PTPRB: variants seen among roughly 807,000 people sequenced by gnomAD.
The protein encoded by PTPRB is protein tyrosine phosphatase receptor type B.
In PTPRB, 97 loss-of-function variants were observed where a neutral mutation model predicts 238.1. The observed-to-expected ratio is 0.41, with a 90% CI of 0.35 to 0.48. The LOEUF is 0.48. PTPRB is among the 20% of genes least tolerant of loss of function. The pLI, the probability that PTPRB is intolerant of heterozygous loss-of-function variation, is 0.30. For missense variants in PTPRB, 2,292 were observed against 2,681.9 expected, an observed-to-expected ratio of 0.85 and a Z score of 3.21; for synonymous variants, 970 against 995.4, an observed-to-expected ratio of 0.97 and a Z score of 0.48.
chr12:70,570,067 A>G (rs1487501267), intron 13 of PTPRB, 129 bp from the exon 14 acceptor site: 8 of 882,572 alleles, frequency 9.1e-6, no homozygotes, highest in Admixed American at 2.7e-5. Flanking sequence ...GAAAGTAACA[A>G]TTTGCCACTT....
chr12:70,535,880 C>A, intron 29 of PTPRB, 145 bp downstream of exon 29: 1 of 969,302 alleles, frequency 1.0e-6, no homozygotes, highest in Non-Finnish European at 1.5e-6. Flanking sequence ...CTATTAGAGT[C>A]TTTTGAACAG....
Position 70,538,939 on chromosome 12 carries a change from T to A in PTPRB, c.5854A>T (p.Asn1952Tyr), listed in dbSNP as rs775554545. 6.2e-7 allele frequency: 1 copy of A among 1,613,144 alleles called. No homozygotes were observed. The highest frequency in any genetic ancestry group is 8.5e-7 in the Non-Finnish European group (1 of 1,179,442). The change falls in exon 27 of 34, where the codon AAC becomes TAC. Residue 1952 changes from asparagine (N) to tyrosine (Y), a missense_variant. Asn to Tyr is a moderately radical substitution (Grantham distance 143, BLOSUM62 -2). Around this residue, in one of 4 missense-constraint regions of PTPRB, gnomAD observed 397 missense variants for 502.0 expected, o/e 0.79. Transcript: ENST00000334414. ...LPENRGKNRY[N>Y]NILPYDATRV... ...CAAAACTTACAGGGCAATATATTGT[T>A]GTATCGATTTTTCCCTCTATTCTCC...
At chr12:70,574,891 C>G (rs1033428306) in intron 11 of PTPRB, among the ~76,000 whole-genome samples, 1 of 152,062 alleles carries the variant, frequency 6.6e-6, no homozygotes, top group African/African-American at 2.4e-5. Flanking sequence ...AAAGACTTGG[C>G]AATATTAAAG....
chr12:70,582,517 T>C (rs1028538514), intron 9 of PTPRB, among the ~76,000 whole-genome samples: 26 of 152,224 alleles, frequency 1.7e-4, no homozygotes, highest in African/African-American at 6.3e-4. Flanking sequence ...GATAGAAGAA[T>C]ATGCTATCAA....
rs1009620093 is a variant in PTPRB at position 70,560,088 on chromosome 12, C to T, written c.4433-464G>A. On this transcript the variant is annotated intron_variant, in intron 17 of 33. Coordinates refer to ENST00000334414, the MANE Select transcript of PTPRB (RefSeq NM_001109754.4). The surrounding 1 kb of genome is among the most constrained non-coding windows in gnomAD (Gnocchi z 4.2). ...CAGACCTCAAGTGATCCACCCACCT[C>T]GGCCTCCCAAAGTACTGGGATTATA... Among the ~76,000 whole-genome samples the T allele has an allele frequency of 1.3e-4, 20 of 152,212 alleles. No individual in the cohort carries two copies. The highest frequency in any genetic ancestry group is 2.6e-4 in the African/African-American group (11 of 41,542).
intron 11 of PTPRB, among the ~76,000 whole-genome samples, chr12:70,574,629 A>T (rs186324812): frequency 2.2e-4 from 33 of 152,380 alleles, no homozygotes; most frequent in African/African-American, 7.7e-4. Context: ...GATGTGATAC[A>T]GAATTAGAAA....
At chr12:70,536,426 A>C (rs986961952) in intron 28 of PTPRB, among the ~76,000 whole-genome samples, 1 of 152,144 alleles carries the variant, frequency 6.6e-6, no homozygotes, top group Non-Finnish European at 1.5e-5. Flanking sequence ...AAAACACTTC[A>C]CCCTCAATTA....
At chr12:70,536,799 C>T (rs1874196121) in intron 28 of PTPRB, among the ~76,000 whole-genome samples, 1 of 152,222 alleles carries the variant, frequency 6.6e-6, no homozygotes, top group South Asian at 2.1e-4. Flanking sequence ...CCACCCCCGC[C>T]CACCCAAACA....
intron 21 of PTPRB, among the ~76,000 whole-genome samples, chr12:70,547,918 C>A (rs1224057641): frequency 1.3e-5 from 2 of 152,126 alleles, no homozygotes; most frequent in Non-Finnish European, 2.9e-5. Context: ...AGGAGAGAGT[C>A]CATGTCTTCT....
chr12:70,583,067 T>C (rs573456643), intron 9 of PTPRB, among the ~76,000 whole-genome samples: 1 of 152,154 alleles, frequency 6.6e-6, no homozygotes, highest in Non-Finnish European at 1.5e-5. Flanking sequence ...ATGTACTACA[T>C]GCTGAGAACA....
At position 70,537,199 on chromosome 12, in the gene PTPRB, A is replaced by T. The variant is rs640987; in HGVS notation, c.5946+956T>A. Among the ~76,000 whole-genome samples, 1,036 of 148,616 alleles carry T rather than the reference A, an allele frequency of 7.0e-3. 12 individuals are homozygous for T. Among genetic ancestry groups the T allele is most frequent in the African/African-American group, 0.024 (973 of 40,492 alleles). On this transcript the variant is annotated intron_variant, in intron 28 of 33. Transcript: ENST00000334414. ...CTACTCGGGCGGCTGAGGCAGGAGAATGGCGTGAACCCGGGAGGCGGAGCT... is the reference window on the plus strand; with the variant it reads ...CTACTCGGGCGGCTGAGGCAGGAGATTGGCGTGAACCCGGGAGGCGGAGCT...
In PTPRB at chr12:70,610,592, C is replaced by A. The variant is rs76167062; in HGVS notation, c.709-1253G>T. Among the ~76,000 whole-genome samples the A allele has an allele frequency of 7.1e-3, 1,073 of 152,120 alleles. 10 individuals are homozygous for A. The highest frequency in any genetic ancestry group is 0.024 in the African/African-American group (1,010 of 41,480). ...CTCACTTCAAAGCATTCATTTGTCC[C>A]GGTGGCATCCCCTGACACTAGCAAG... On this transcript the variant is annotated intron_variant, in intron 3 of 33. Coordinates refer to ENST00000334414, the MANE Select transcript of PTPRB (RefSeq NM_001109754.4).
intron 7 of PTPRB, 51 bp downstream of exon 7, chr12:70,592,231 A>C (rs769424948): frequency 4.3e-6 from 7 of 1,612,346 alleles, no homozygotes; most frequent in Non-Finnish European, 2.5e-6. Flanking sequence ...TTTAAGGTGG[A>C]TCAGAGAGTG....
chr12:70,622,951 G>GT (rs202126361), intron 2 of PTPRB, among the ~76,000 whole-genome samples: 1 of 135,354 alleles, frequency 7.4e-6, no homozygotes, highest in East Asian at 2.0e-4. Context: ...GAGAATTTAG[G>GT]GGGGGGGTCA....
intron 2 of PTPRB, among the ~76,000 whole-genome samples, chr12:70,624,581 T>C (rs1885092258): frequency 6.6e-6 from 1 of 152,198 alleles, no homozygotes. Context: ...GTTAGGTGCT[T>C]GAACGTTCCC....
intron 10 of PTPRB, among the ~76,000 whole-genome samples, chr12:70,578,220 G>T (rs1881000366): frequency 6.6e-6 from 1 of 152,044 alleles, no homozygotes; most frequent in Admixed American, 6.6e-5. Flanking sequence ...GGCTGGGAGG[G>T]TTTATTTATA....
At chr12:70,555,749 A>G in intron 19 of PTPRB, 121 bp downstream of exon 19, 2 of 1,272,820 alleles carry the variant, frequency 1.6e-6, no homozygotes, top group Non-Finnish European at 2.1e-6. Context: ...GCAATCAGAC[A>G]GGCTTATGCA....
rs377465286 is a variant in PTPRB, at chr12:70,622,512, C to T, written c.586G>A (p.Ala196Thr). 41 of 1,613,240 alleles carry T rather than the reference C, an allele frequency of 2.5e-5. No individual in the cohort carries two copies. The African/African-American group carries it at 5.1e-4, about 20-fold the overall frequency. Residue 196 changes from alanine to threonine, a missense_variant, in exon 3 of 34, where the codon GCT becomes ACT. Coordinates refer to ENST00000334414, the MANE Select transcript of PTPRB (RefSeq NM_001109754.4). ...RNTTEAFIRNAAENYSQNSSE... is the reference protein window; with the variant it reads ...RNTTEAFIRNTAENYSQNSSE... ...CTGTTTTGGCTGTAGTTTTCTGCAG[C>T]ATTTCTGATGAAGGCCTCTGTGGTA...
intron 21 of PTPRB, among the ~76,000 whole-genome samples, chr12:70,547,954 C>T (rs73332231): frequency 0.033 from 5,026 of 152,222 alleles, 285 homozygotes; most frequent in African/African-American, 0.11. Context: ...AAGATATGAA[C>T]GAAAACTGAA....
Sources: gnomAD v4.1 joint callset for allele counts (sites outside exome capture counted in the v4.1 genomes callset) on GRCh38, gnomAD v4.1.1 for gene constraint, gnomAD v4.1.1 regional missense constraint, Gnocchi (gnomAD v3.1) non-coding constraint, MANE v1.5 for transcripts, NCBI Gene and HGNC (gene_info 2026-07-23, HGNC 2026-07-21) for gene names.